Variants in GNL2 observed in about 807,000 individuals in gnomAD.
GNL2 encodes nucleolar GTP-binding protein 2.
A neutral mutation model predicts 92.3 loss-of-function variants in GNL2; 51 were observed. That is an observed-to-expected ratio of 0.55 (90% CI 0.44 to 0.70). The LOEUF is 0.70. Ranked by LOEUF, GNL2 falls within the 30% of genes least tolerant of loss-of-function variation. The pLI is 0.00. For synonymous variants in GNL2, 283 were observed against 300.6 expected (o/e 0.94, Z 0.61); for missense variants, 844 against 895.6 (o/e 0.94, Z 0.74).
chr1:37,571,442 A>G (rs1643592671), intron 12 of GNL2, among the ~76,000 whole-genome samples: 1 of 152,216 alleles, frequency 6.6e-6, no homozygotes, highest in Non-Finnish European at 1.5e-5. Context: ...ATGTCTTTTC[A>G]GATCCCTAAT....
intron 2 of GNL2, 28 bp downstream of exon 2, chr1:37,593,734 A>G (rs112317543): frequency 6.5e-7 from 1 of 1,531,184 alleles, no homozygotes; most frequent in South Asian, 1.1e-5. Context: ...GAAGGAAAAG[A>G]GAAAGGATGA....
Position 37,568,468 on chromosome 1 carries a change from T to C in GNL2, c.1869-111A>G, listed in dbSNP as rs115941022. 9.1e-3 allele frequency: 6,290 copies of C among 693,330 alleles called. 44 individuals carry two copies. Among genetic ancestry groups the C allele is most frequent in the Non-Finnish European group, 0.013 (4,887 of 386,454 alleles). The allele number at this position is 693,330 out of a possible 1,614,324, so 42.9% of individuals were successfully genotyped here. A position where few individuals can be genotyped will look rare whatever the true frequency, so the allele number is the denominator to read the frequency against. On this transcript the variant is annotated intron_variant, in intron 13 of 15. Coordinates refer to ENST00000373062, the MANE Select transcript of GNL2 (RefSeq NM_013285.3). ...TAAAGAAACCCCACTCCTATCCAAGTAGTTATCACCAGTGGAAGAAGTCAA... is the reference window on the plus strand; with the variant it reads ...TAAAGAAACCCCACTCCTATCCAAGCAGTTATCACCAGTGGAAGAAGTCAA...
At position 37,593,844 on chromosome 1, in the gene GNL2, G is replaced by T. The variant is rs201910888; in HGVS notation, c.67C>A (p.Arg23=). The change falls in exon 2 of 16, where the codon CGA becomes AGA. Residue 23 remains arginine (R), a splice_region_variant and synonymous_variant. Coordinates refer to ENST00000373062, the MANE Select transcript of GNL2 (RefSeq NM_013285.3). ...NPSKASTNPD[R]VQGAGGQNMR... ...TTTTGGCCTCCTGCTCCCTGCACTC[G>T]ATCTACAAAAGGCAGAAGTACACAG... 307 of 1,611,928 alleles carry T rather than the reference G, an allele frequency of 1.9e-4. No homozygotes were observed. The highest frequency in any genetic ancestry group is 2.5e-4 in the Non-Finnish European group (300 of 1,178,328).
chr1:37,580,552 GAA>G (rs1557641104), intron 8 of GNL2, among the ~76,000 whole-genome samples: 2 of 152,188 alleles, frequency 1.3e-5, no homozygotes, highest in Admixed American at 1.3e-4. Flanking sequence ...CAGAAAAGAA[GAA>G]AAGAGGTCCT....
Position 37,583,894 on chromosome 1 carries a change from G to A in GNL2, c.609C>T (p.Ser203=). The A allele has an allele frequency of 6.3e-7, 1 of 1,588,974 alleles. No individual in the cohort carries two copies. Among genetic ancestry groups the A allele is most frequent in the Non-Finnish European group, 8.6e-7 (1 of 1,156,956 alleles). The change falls in exon 6 of 16, where the codon TCC becomes TCT. Residue 203 remains serine (S), a synonymous_variant. Coordinates refer to ENST00000373062, the MANE Select transcript of GNL2 (RefSeq NM_013285.3). ...TGTAGAGCTCACCCCATATTCTTTT[G>A]GACTGTCCCTTTTTATAGATCTCTT... is the stretch of plus-strand genomic sequence containing the variant. ...AQEEIYKKGQ[S]KRIWGELYKV...
intron 7 of GNL2, among the ~76,000 whole-genome samples, 168 bp downstream of exon 7, chr1:37,582,610 C>T (rs1375602324): frequency 4.6e-5 from 7 of 152,196 alleles, no homozygotes; most frequent in Non-Finnish European, 7.4e-5. Flanking sequence ...CCTCAGAAGC[C>T]GTCTCCTGGT....
chr1:37,580,020 A>G (rs1056235616), intron 8 of GNL2, among the ~76,000 whole-genome samples: 1 of 152,210 alleles, frequency 6.6e-6, no homozygotes, highest in Non-Finnish European at 1.5e-5. Flanking sequence ...GAAATAATGT[A>G]AGACAATATC....
intron 5 of GNL2, among the ~76,000 whole-genome samples, chr1:37,585,964 T>C (rs1363356059): frequency 2.6e-5 from 4 of 152,164 alleles, no homozygotes; most frequent in African/African-American, 9.7e-5. Flanking sequence ...TGCATACCTT[T>C]TGATATCATG....
chr1:37,575,504 C>T lies in GNL2; in HGVS notation c.1143+91G>A. The stretch of plus-strand genomic sequence containing the variant: ...GTCAGACAGGCTGACCCCAAACTGC[C>T]TTCTTAATAAGTAAAAAGGAAAGGT... On this transcript the variant is annotated intron_variant, in intron 10 of 15. Coordinates refer to ENST00000373062, the MANE Select transcript of GNL2 (RefSeq NM_013285.3). This position sits in a 1 kb window ranked among gnomAD's most constrained non-coding sequence, Gnocchi z 4.1. 1.4e-6 allele frequency: 1 copy of T among 702,822 alleles called. No individual in the cohort carries two copies. Among genetic ancestry groups the T allele is most frequent in the Non-Finnish European group, 2.3e-6 (1 of 428,080 alleles). The allele number at this position is 702,822 out of a possible 1,614,324, so 43.5% of individuals were successfully genotyped here.
Position 37,595,917 on chromosome 1 carries a change from A to C in GNL2, c.-95T>G. 1 of 922,922 alleles carries C rather than the reference A, an allele frequency of 1.1e-6. No individual in the cohort carries two copies. Among genetic ancestry groups the C allele is most frequent in the Non-Finnish European group, 1.8e-6 (1 of 565,754 alleles). 57.2% of individuals were successfully genotyped at this position (922,922 alleles called of 1,614,324 possible). On this transcript the variant is annotated 5_prime_UTR_variant, in exon 1 of 16. Transcript: ENST00000373062. ...AGCCCGGCCGAAGACACCCGCCTGA[A>C]CCACGCCGGACCACGTGTGCACGAC...
chr1:37,589,813 T>C (rs1249580977), intron 4 of GNL2, among the ~76,000 whole-genome samples: 3 of 152,158 alleles, frequency 2.0e-5, no homozygotes, highest in Non-Finnish European at 4.4e-5. Context: ...ATTTTAGCAA[T>C]TGACAACCAA....
chr1:37,592,875 A>C (rs922641889), intron 2 of GNL2, 69 bp from the exon 3 acceptor site: 9 of 860,850 alleles, frequency 1.0e-5, no homozygotes, highest in Non-Finnish European at 1.8e-5. Flanking sequence ...TGATTTACAG[A>C]ATATATTTTC....
Position 37,582,800 on chromosome 1 carries a change from T to C in GNL2, c.773A>G (p.Asp258Gly), listed in dbSNP as rs1355099104. The change falls in exon 7 of 16, where the codon GAC becomes GGC. Residue 258 changes from aspartate to glycine, a missense_variant. Transcript: ENST00000373062. ...TACTGTTGCCCAGGTTGGAACAAGG[T>C]CACATTTGTTAAGTACAAAAATGAG... ...KHLIFVLNKCDLVPTWATKRW... is the reference protein window; with the variant it reads ...KHLIFVLNKCGLVPTWATKRW... 1 of 1,613,394 alleles carries C rather than the reference T, an allele frequency of 6.2e-7. No homozygotes were observed. Among genetic ancestry groups the C allele is most frequent in the South Asian group, 1.1e-5 (1 of 91,046 alleles).
intron 2 of GNL2, among the ~76,000 whole-genome samples, 166 bp from the exon 3 acceptor site, chr1:37,592,972 T>C (rs1376559098): frequency 2.0e-5 from 3 of 152,232 alleles, no homozygotes; most frequent in Non-Finnish European, 2.9e-5. Context: ...TTGAAACAGA[T>C]TGCCCAAAAG....
At chr1:37,567,089 T>C in intron 15 of GNL2, 82 bp from the exon 16 acceptor site, 2 of 1,402,280 alleles carry the variant, frequency 1.4e-6, no homozygotes, top group Middle Eastern at 3.6e-4. Flanking sequence ...TCTCTGCTTC[T>C]CATCTCTGTG....
rs1190957609 is a variant in GNL2, at chr1:37,575,963, C to T, written c.1039-264G>A. 3.3e-5 allele frequency among the ~76,000 whole-genome samples: 5 copies of T among 152,156 alleles called. No homozygotes were observed. Among genetic ancestry groups the T allele is most frequent in the East Asian group, 1.9e-4 (1 of 5,198 alleles). ...CCATCTCGTATTGTGCAATTATACC[C>T]GGTGAACCTTTCCTGAGTTTTAGAA... On this transcript the variant is annotated intron_variant, in intron 9 of 15. Coordinates refer to ENST00000373062, the MANE Select transcript of GNL2 (RefSeq NM_013285.3). The surrounding 1 kb of genome is among the most constrained non-coding windows in gnomAD (Gnocchi z 4.1).
Position 37,595,776 on chromosome 1 carries a change from T to A in GNL2, c.47A>T (p.Lys16Met). Residue 16 changes from lysine to methionine, a missense_variant, in exon 1 of 16, where the codon AAG becomes ATG. Transcript: ENST00000373062. ...GCCTGTACCTGGGTTTGTGCTGGCC[T>A]TGGACGGGTTGATGGTGCTCCGTCC... ...YKGRSTINPSKASTNPDRVQG... is the reference protein window; with the variant it reads ...YKGRSTINPSMASTNPDRVQG... 6.2e-7 allele frequency: 1 copy of A among 1,614,198 alleles called. No homozygotes were observed. The highest frequency in any genetic ancestry group is 1.3e-5 in the African/African-American group (1 of 75,066).
rs757439118 is a variant in GNL2 at position 37,576,398 on chromosome 1, A to G, written c.1038+30T>C. ...CACTCTCTATGAAAAGAAAATATGC[A>G]AAAGTAAGGTCACCCTGCGCCCAAC... On this transcript the variant is annotated intron_variant, in intron 9 of 15. Transcript: ENST00000373062. The G allele has an allele frequency of 5.0e-6, 8 of 1,600,612 alleles. No homozygotes were observed. The South Asian group carries it at 8.9e-5, about 18-fold the overall frequency.
At chr1:37,595,708 T>C (rs1335270103) in intron 1 of GNL2, 51 bp downstream of exon 1, 4 of 1,508,856 alleles carry the variant, frequency 2.7e-6, no homozygotes, top group Admixed American at 1.7e-5. Context: ...CTCGGAGCCC[T>C]TCCCTATACT....
Sources: gnomAD v4.1 joint callset for allele counts (sites outside exome capture counted in the v4.1 genomes callset) on GRCh38, gnomAD v4.1.1 for gene constraint, Gnocchi (gnomAD v3.1) non-coding constraint, MANE v1.5 for transcripts, NCBI Gene and HGNC (gene_info 2026-07-23, HGNC 2026-07-21) for gene names.